Variants in MYT1 observed in about 807,000 individuals in gnomAD.
The protein encoded by MYT1 is myelin transcription factor 1.
A neutral mutation model predicts 123.0 loss-of-function variants in MYT1; 23 were observed. The observed-to-expected ratio is 0.19, with a 90% CI of 0.13 to 0.26. MYT1 has a LOEUF of 0.26. MYT1 is among the 10% of genes least tolerant of loss of function. MYT1 has a pLI of 1.00. For missense variants in MYT1, 1,125 were observed against 1,472.5 expected, an observed-to-expected ratio of 0.76 and a Z score of 3.86; for synonymous variants, 518 against 575.3, an observed-to-expected ratio of 0.90 and a Z score of 1.43.
chr20:64,208,881 G>A lies in MYT1; in HGVS notation c.1291+394G>A, dbSNP rs188829124. ...ATGACAGAACCCGCTGTTTCCTACA[G>A]CCATGCTGGGTCATCCTGATCCTCT... On this transcript the variant is annotated intron_variant, in intron 7 of 22. Coordinates refer to ENST00000328439, the MANE Select transcript of MYT1 (RefSeq NM_004535.3). This position sits in a 1 kb window ranked among gnomAD's most constrained non-coding sequence, Gnocchi z 5.4. Among the ~76,000 whole-genome samples, 9 of 152,346 alleles carry A rather than the reference G, an allele frequency of 5.9e-5. No individual in the cohort carries two copies. The highest frequency in any genetic ancestry group is 1.0e-4 in the Non-Finnish European group (7 of 68,030).
chr20:64,235,713 C>CGTGGTGGGTGACCCTTGGCTGGCT lies in MYT1; in HGVS notation c.2898-823_2898-800dup, dbSNP rs1446891482. 1.7e-4 allele frequency among the ~76,000 whole-genome samples: 21 copies of CGTGGTGGGTGACCCTTGGCTGGCT among 123,198 alleles called. 1 individual carries two copies. Among genetic ancestry groups the CGTGGTGGGTGACCCTTGGCTGGCT allele is most frequent in the South Asian group, 2.8e-4 (1 of 3,614 alleles). 80.8% of individuals were successfully genotyped at this position (123,198 alleles called of 152,430 possible). On this transcript the variant is annotated intron_variant, in intron 19 of 22. Coordinates refer to ENST00000328439, the MANE Select transcript of MYT1 (RefSeq NM_004535.3). ...TGGTGGTGGGTGACCCTTGGCTGGC[C>CGTGGTGGGTGACCCTTGGCTGGCT]GTGGTGGGTGACCCTTGGCTGGCTG...
chr20:64,225,288 G>T (rs1263191766), intron 16 of MYT1, among the ~76,000 whole-genome samples: 1 of 152,208 alleles, frequency 6.6e-6, no homozygotes, highest in Non-Finnish European at 1.5e-5. Flanking sequence ...CAGCCTCGTG[G>T]CAGCCATGGG....
Position 64,167,609 on chromosome 20 carries a change from C to T in MYT1, c.-99+2870C>T, listed in dbSNP as rs945828803. Among the ~76,000 whole-genome samples the T allele has an allele frequency of 1.3e-5, 2 of 152,218 alleles. No individual in the cohort carries two copies. Among genetic ancestry groups the T allele is most frequent in the Non-Finnish European group, 2.9e-5 (2 of 68,052 alleles). ...GCATCTTGAAGAGTGGATGCTCTGC[C>T]TGTCCCAATGCTGGAAGACACATCT... is the stretch of plus-strand genomic sequence containing the variant. On this transcript the variant is annotated intron_variant, in intron 1 of 22. Transcript: ENST00000328439. The surrounding 1 kb of genome is among the most constrained non-coding windows in gnomAD (Gnocchi z 6.3).
chr20:64,182,191 A>G (rs1031200953), intron 1 of MYT1, among the ~76,000 whole-genome samples: 2 of 152,216 alleles, frequency 1.3e-5, no homozygotes, highest in African/African-American at 4.8e-5. Flanking sequence ...TTCGAATGGC[A>G]AGATGTAAGT....
intron 21 of MYT1, among the ~76,000 whole-genome samples, chr20:64,237,791 G>A (rs999602307): frequency 4.6e-5 from 7 of 152,144 alleles, no homozygotes; most frequent in South Asian, 2.1e-4. Context: ...AGCGTGGTGC[G>A]GTAGAGCCAG....
intron 1 of MYT1, among the ~76,000 whole-genome samples, chr20:64,179,857 T>C (rs1453796152): frequency 6.6e-6 from 1 of 150,822 alleles, no homozygotes; most frequent in Non-Finnish European, 1.5e-5. Flanking sequence ...TACACACACA[T>C]ACTACACACA....
At chr20:64,236,265 G>GTGGTGGGTGACCCTGGGATGGCC (rs1984537193) in intron 19 of MYT1, among the ~76,000 whole-genome samples, 2 of 58,946 alleles carry the variant, frequency 3.4e-5, no homozygotes, top group Non-Finnish European at 6.5e-5. Flanking sequence ...CTGGGATGGC[G>GTGGTGGGTGACCCTGGGATGGCC]GTGGTGGGTG....
chr20:64,235,197 T>G (rs1204082336), intron 19 of MYT1, among the ~76,000 whole-genome samples: 5 of 68,146 alleles, frequency 7.3e-5, no homozygotes, highest in African/African-American at 2.0e-4. Flanking sequence ...GGCCGTGGTA[T>G]GTGACCCCGG....
At chr20:64,209,710 C>T (rs989716753) in intron 7 of MYT1, among the ~76,000 whole-genome samples, 1 of 152,136 alleles carries the variant, frequency 6.6e-6, no homozygotes. Flanking sequence ...AGAGACAGAC[C>T]TGAGTGAGAC....
intron 16 of MYT1, among the ~76,000 whole-genome samples, chr20:64,227,064 G>A (rs571651765): frequency 3.0e-4 from 45 of 152,356 alleles, no homozygotes; most frequent in African/African-American, 9.4e-4. Flanking sequence ...GGAGCCCTTC[G>A]TGTCCTTGGC....
intron 2 of MYT1, among the ~76,000 whole-genome samples, chr20:64,195,187 T>G (rs76159958): frequency 1.3e-5 from 2 of 151,954 alleles, no homozygotes; most frequent in East Asian, 3.9e-4. Flanking sequence ...TTGTTACAGC[T>G]GCAGCCTCAG....
At position 64,208,484 on chromosome 20, in the gene MYT1, A is replaced by C. The variant is rs747610123; in HGVS notation, c.1288A>C (p.Lys430Gln). 6.3e-7 allele frequency: 1 copy of C among 1,595,506 alleles called. No homozygotes were observed. Residue 430 changes from lysine to glutamine, a missense_variant, in exon 7 of 23, where the codon AAA becomes CAA. Transcript: ENST00000328439. This position sits in a 1 kb window ranked among gnomAD's most constrained non-coding sequence, Gnocchi z 5.4. ...CACTGTGCGGAAGAGTTACTACAGT[A>C]AAGGTAGGGCTCAGGGGTGGCCTGG... ...LDTVRKSYYS[K>Q]DPSRAEKREI...
In MYT1 at chr20:64,172,654, C is replaced by T. The variant is rs141492967; in HGVS notation, c.-99+7915C>T. On this transcript the variant is annotated intron_variant, in intron 1 of 22. Transcript: ENST00000328439. ...TCCAGAGCAGGACCTCTTGATCCCG[C>T]GAAGCCGACGTGTCTTCTGGGGAGT... Among the ~76,000 whole-genome samples the T allele has an allele frequency of 4.2e-3, 637 of 151,764 alleles. 2 individuals carry two copies. The highest frequency in any genetic ancestry group is 0.015 in the African/African-American group (610 of 41,352).
chr20:64,240,529 C>T lies in MYT1; in HGVS notation c.*81C>T. The T allele has an allele frequency of 6.7e-7, 1 of 1,488,314 alleles. No individual in the cohort carries two copies. The highest frequency in any genetic ancestry group is 8.9e-7 in the Non-Finnish European group (1 of 1,119,482). The allele number at this position is 1,488,314 out of a possible 1,614,324, so 92.2% of individuals were successfully genotyped here. A position where few individuals can be genotyped will look rare whatever the true frequency, so the allele number is the denominator to read the frequency against. On this transcript the variant is annotated 3_prime_UTR_variant, in exon 23 of 23. Coordinates refer to ENST00000328439, the MANE Select transcript of MYT1 (RefSeq NM_004535.3). ...TGCCCCGCACCGTGGGGATGCCCAACTCACAGTGACTTCCCGTTTGGGGCC... is the reference window on the plus strand; with the variant it reads ...TGCCCCGCACCGTGGGGATGCCCAATTCACAGTGACTTCCCGTTTGGGGCC...
At chr20:64,223,440 C>A in intron 16 of MYT1, 81 bp downstream of exon 16, 1 of 1,502,548 alleles carries the variant, frequency 6.7e-7, no homozygotes, top group Non-Finnish European at 9.2e-7. Context: ...CTGCCAAAAT[C>A]AGCCTTCTCC....
rs1983684155 is a variant in MYT1, at chr20:64,212,079, C to T, written c.1458C>T (p.Cys486=). Residue 486 remains cysteine (C), a synonymous_variant, in exon 9 of 23, where the codon TGC becomes TGT. Transcript: ENST00000328439. This position sits in a 1 kb window ranked among gnomAD's most constrained non-coding sequence, Gnocchi z 6.8. ...CCATGCATGAGAACGTGCTGAAGTG[C>T]CCCACTCCTGGCTGCACAGGCCAGG... is the stretch of plus-strand genomic sequence containing the variant. The part of the protein sequence containing the change: ...ILAMHENVLK[C]PTPGCTGQGH... The T allele has an allele frequency of 6.2e-7, 1 of 1,613,882 alleles. No homozygotes were observed. Among genetic ancestry groups the T allele is most frequent in the South Asian group, 1.1e-5 (1 of 91,072 alleles).
Position 64,188,679 on chromosome 20 carries a change from G to C in MYT1, c.-98-1384G>C, listed in dbSNP as rs142991913. On this transcript the variant is annotated intron_variant, in intron 1 of 22. Coordinates refer to ENST00000328439, the MANE Select transcript of MYT1 (RefSeq NM_004535.3). ...ACAGAGTTGAGAATTGGATTACCTG[G>C]TGGGCAGGTGGGCCCCAGTTAGAGG... Among the ~76,000 whole-genome samples the C allele has an allele frequency of 3.2e-3, 495 of 152,310 alleles. 3 individuals are homozygous for C. Among genetic ancestry groups the C allele is most frequent in the Non-Finnish European group, 5.2e-3 (357 of 68,034 alleles).
At chr20:64,194,187 A>G (rs987515496) in intron 2 of MYT1, among the ~76,000 whole-genome samples, 1 of 152,190 alleles carries the variant, frequency 6.6e-6, no homozygotes, top group Non-Finnish European at 1.5e-5. Flanking sequence ...GAATGAGCTC[A>G]TTTCAGATTG....
rs1006942300 is a variant in MYT1 at position 64,196,587 on chromosome 20, G to A, written c.1-2275G>A. 3.3e-5 allele frequency among the ~76,000 whole-genome samples: 5 copies of A among 152,114 alleles called. No homozygotes were observed. The highest frequency in any genetic ancestry group is 6.5e-5 in the Admixed American group (1 of 15,274). ...AAAGAGCCTGGTTTATTTTTTCTTC[G>A]GTAGTTCAGTTTTTTTCCCTTTAAA... On this transcript the variant is annotated intron_variant, in intron 2 of 22. Transcript: ENST00000328439. This position sits in a 1 kb window ranked among gnomAD's most constrained non-coding sequence, Gnocchi z 4.3.
Sources: gnomAD v4.1 joint callset for allele counts (sites outside exome capture counted in the v4.1 genomes callset) on GRCh38, gnomAD v4.1.1 for gene constraint, Gnocchi (gnomAD v3.1) non-coding constraint, MANE v1.5 for transcripts, NCBI Gene and HGNC (gene_info 2026-07-23, HGNC 2026-07-21) for gene names.